The following RGMA variants were observed in gnomAD, a reference collection of about 807,000 sequenced individuals.
RGMA encodes the protein repulsive guidance molecule A.
In RGMA, 10 loss-of-function variants were observed where a neutral mutation model predicts 23.2. That is an observed-to-expected ratio of 0.43 (90% confidence interval 0.27 to 0.73). RGMA has a LOEUF of 0.73. Among genes scored for constraint, RGMA ranks in the 30% least tolerant of loss-of-function variants. The pLI is 0.20. For missense variants in RGMA, 547 were observed against 630.5 expected, an observed-to-expected ratio of 0.87 and a Z score of 1.42; for synonymous variants, 308 against 279.3, an observed-to-expected ratio of 1.10 and a Z score of -1.03.
intron 1 of RGMA, among the ~76,000 whole-genome samples, chr15:93,076,574 G>T (rs370909856): frequency 1.3e-5 from 2 of 152,254 alleles, no homozygotes; most frequent in East Asian, 3.9e-4. Context: ...GAGAGGTGAG[G>T]AGTGAATGAC....
rs2141779324 is a variant in RGMA, at chr15:93,040,426, C to A, written c.*4572G>T. 6.5e-6 allele frequency: 1 copy of A among 152,804 alleles called. No individual in the cohort carries two copies. The highest frequency in any genetic ancestry group is 6.5e-5 in the Admixed American group (1 of 15,300). 9.5% of individuals were successfully genotyped at this position (152,804 alleles called of 1,614,324 possible). A position where few individuals can be genotyped will look rare whatever the true frequency, so the allele number is the denominator to read the frequency against. ...GCTTCCCACCATCCCTTAAACTCCC[C>A]CTTTGCTGCTGCTGCTCTAGGGCTG... On this transcript the variant is annotated 3_prime_UTR_variant, in exon 4 of 4. Coordinates refer to ENST00000329082, the MANE Select transcript of RGMA (RefSeq NM_020211.3).
In RGMA at chr15:93,040,973, G is replaced by T. The variant is rs528329735; in HGVS notation, c.*4025C>A. 1.3e-5 allele frequency: 2 copies of T among 152,176 alleles called. No individual in the cohort carries two copies. Among genetic ancestry groups the T allele is most frequent in the Admixed American group, 6.5e-5 (1 of 15,298 alleles). 9.4% of individuals were successfully genotyped at this position (152,176 alleles called of 1,614,324 possible). A position where few individuals can be genotyped will look rare whatever the true frequency, so the allele number is the denominator to read the frequency against. ...AATCTAAGGCTCAAAAAATCCCAAG[G>T]AGACCACACAGCTCGCGACGGGTTG... On this transcript the variant is annotated 3_prime_UTR_variant, in exon 4 of 4. Transcript: ENST00000329082.
Position 93,044,791 on chromosome 15 carries a change from C to CA in RGMA, c.*206dup, listed in dbSNP as rs199793937. 597 of 597,554 alleles carry CA rather than the reference C, an allele frequency of 1.0e-3. 6 individuals carry two copies. Among genetic ancestry groups the CA allele is most frequent in the African/African-American group, 9.3e-3 (500 of 53,876 alleles). The allele number at this position is 597,554 out of a possible 1,614,324, so 37.0% of individuals were successfully genotyped here. ...TCTCCCTCTCACACAGCTCTACTGT[C>CA]AAACATCATGGCACCAGTCACCACA... On this transcript the variant is annotated 3_prime_UTR_variant, in exon 4 of 4. Coordinates refer to ENST00000329082, the MANE Select transcript of RGMA (RefSeq NM_020211.3).
Position 93,043,275 on chromosome 15 carries a change from TAC to T in RGMA, c.*1721_*1722del, listed in dbSNP as rs67414143. On this transcript the variant is annotated 3_prime_UTR_variant, in exon 4 of 4. Transcript: ENST00000329082. Reference sequence around the variant, plus strand: ...AGGCACGCACACACACAGGCATGCATACACACATGCGCGCACACACACATGCG... The same window carrying T: ...AGGCACGCACACACACAGGCATGCATACACATGCGCGCACACACACATGCG... The T allele has an allele frequency of 0.53, 50,235 of 94,406 alleles. 10,630 individuals are homozygous for T. Among genetic ancestry groups the T allele is most frequent in the Middle Eastern group, 0.64 (115 of 180 alleles). The allele number at this position is 94,406 out of a possible 1,614,324, so 5.8% of individuals were successfully genotyped here. A position where few individuals can be genotyped will look rare whatever the true frequency, so the allele number is the denominator to read the frequency against.
At chr15:93,076,456 A>G (rs1895474588) in intron 1 of RGMA, among the ~76,000 whole-genome samples, 1 of 152,126 alleles carries the variant, frequency 6.6e-6, no homozygotes, top group African/African-American at 2.4e-5. Flanking sequence ...CAACAAATAT[A>G]TATTCAGGAC....
At chr15:93,062,632 TC>T (rs1443203587) in intron 2 of RGMA, 1 of 152,162 alleles carries the variant, frequency 6.6e-6, no homozygotes, top group East Asian at 1.9e-4. Context: ...AAACCCCATC[TC>T]TTTCGTCACT....
chr15:93,073,249 G>A, intron 1 of RGMA: 6 of 1,038,968 alleles, frequency 5.8e-6, no homozygotes, highest in East Asian at 4.2e-5. Flanking sequence ...CGCCCCAGCC[G>A]CCTGCGCACC....
intron 2 of RGMA, among the ~76,000 whole-genome samples, chr15:93,070,457 C>T (rs978808277): frequency 9.2e-5 from 14 of 152,132 alleles, no homozygotes; most frequent in African/African-American, 3.1e-4. Context: ...CTTTATTTCT[C>T]GATCTCCCGC....
At chr15:93,079,864 C>A (rs1253739484) in intron 1 of RGMA, among the ~76,000 whole-genome samples, 4 of 152,060 alleles carry the variant, frequency 2.6e-5, no homozygotes, top group Non-Finnish European at 2.9e-5. Flanking sequence ...CCCTTGTGGG[C>A]GGGAGGTACA....
intron 1 of RGMA, chr15:93,073,443 C>G (rs1895407750): frequency 2.2e-6 from 2 of 912,542 alleles, no homozygotes; most frequent in Non-Finnish European, 3.2e-6. Flanking sequence ...CCTTGCAAAC[C>G]AGGCCCAGCA....
At chr15:93,082,028 CGTAAG>C (rs1332815724) in intron 1 of RGMA, among the ~76,000 whole-genome samples, 2 of 152,162 alleles carry the variant, frequency 1.3e-5, no homozygotes, top group Non-Finnish European at 2.9e-5. Flanking sequence ...TTATTTCATC[CGTAAG>C]ATAGGGATAT....
intron 1 of RGMA, among the ~76,000 whole-genome samples, chr15:93,084,155 G>A (rs184174471): frequency 1.1e-4 from 17 of 152,264 alleles, no homozygotes; most frequent in Non-Finnish European, 2.5e-4. Flanking sequence ...AAAAACCTGC[G>A]TGGAAGAAGA....
Position 93,044,864 on chromosome 15 carries a change from G to T in RGMA, c.*134C>A. On this transcript the variant is annotated 3_prime_UTR_variant, in exon 4 of 4. Coordinates refer to ENST00000329082, the MANE Select transcript of RGMA (RefSeq NM_020211.3). The stretch of plus-strand genomic sequence containing the variant: ...GGGAGGGGTCCGTGCCTGAGCCCTT[G>T]GCAGCAGGCGGTCCCTGGCGTTCTG... 3 of 718,714 alleles carry T rather than the reference G, an allele frequency of 4.2e-6. No homozygotes were observed. Among genetic ancestry groups the T allele is most frequent in the Non-Finnish European group, 6.9e-6 (3 of 435,938 alleles). 44.5% of individuals were successfully genotyped at this position (718,714 alleles called of 1,614,324 possible). A position where few individuals can be genotyped will look rare whatever the true frequency, so the allele number is the denominator to read the frequency against.
intron 3 of RGMA, among the ~76,000 whole-genome samples, chr15:93,048,019 C>G (rs1238312575): frequency 6.6e-6 from 1 of 152,166 alleles, no homozygotes; most frequent in African/African-American, 2.4e-5. Flanking sequence ...GCCAGGGGTG[C>G]AGCAGAGTGG....
At chr15:93,048,276 G>C (rs1487610826) in intron 3 of RGMA, among the ~76,000 whole-genome samples, 1 of 152,184 alleles carries the variant, frequency 6.6e-6, no homozygotes, top group East Asian at 1.9e-4. Flanking sequence ...AGAACAGAGG[G>C]AGACCCTAGG....
intron 1 of RGMA, among the ~76,000 whole-genome samples, chr15:93,082,591 A>C (rs541187832): frequency 8.7e-4 from 133 of 152,362 alleles, no homozygotes; most frequent in African/African-American, 3.0e-3. Context: ...CAGTCCAATA[A>C]TATGCCCCAC....
In RGMA at chr15:93,040,824, A is replaced by T. The variant is rs2054714776; in HGVS notation, c.*4174T>A. ...ATGCAATTGCAGAGAGGAGGCGGCC[A>T]CTTTTGGCGGCCTCCATGCGTGGTG... is the stretch of plus-strand genomic sequence containing the variant. On this transcript the variant is annotated 3_prime_UTR_variant, in exon 4 of 4. Transcript: ENST00000329082. 3 of 152,182 alleles carry T rather than the reference A, an allele frequency of 2.0e-5. No homozygotes were observed. Among genetic ancestry groups the T allele is most frequent in the Admixed American group, 6.5e-5 (1 of 15,284 alleles). The allele number at this position is 152,182 out of a possible 1,614,324, so 9.4% of individuals were successfully genotyped here. A position where few individuals can be genotyped will look rare whatever the true frequency, so the allele number is the denominator to read the frequency against.
intron 2 of RGMA, 107 bp from the exon 3 acceptor site, chr15:93,052,614 A>T: frequency 8.1e-7 from 1 of 1,235,702 alleles, no homozygotes; most frequent in Non-Finnish European, 1.1e-6. Flanking sequence ...CATCTAGGGC[A>T]GAGCCACCCA....
At chr15:93,065,969 G>C in intron 2 of RGMA, 1 of 1,022,666 alleles carries the variant, frequency 9.8e-7, no homozygotes. Flanking sequence ...GGGCGCCGTC[G>C]TCTGGGCCGC....
Sources: gnomAD v4.1 joint callset for allele counts (sites outside exome capture counted in the v4.1 genomes callset) on GRCh38, gnomAD v4.1.1 for gene constraint, MANE v1.5 for transcripts, NCBI Gene and HGNC (gene_info 2026-07-23, HGNC 2026-07-21) for gene names.